The following TRPC7 variants were observed in gnomAD, a reference collection of about 807,000 sequenced individuals.
The protein encoded by TRPC7 is transient receptor potential cation channel subfamily C member 7.
Under a neutral mutation model 90.1 loss-of-function variants are expected in TRPC7, and 42 were observed. The ratio of observed to expected loss-of-function variants is 0.47; its 90% confidence interval spans 0.36 to 0.60. TRPC7 has a LOEUF of 0.60. Ranked by LOEUF, TRPC7 falls within the 20% of genes least tolerant of loss-of-function variation. The probability of loss-of-function intolerance (pLI) is 0.00; values close to 1 mark genes in which losing one functional copy is unlikely to be tolerated. For missense variants in TRPC7, 955 were observed against 1,112.3 expected (o/e 0.86, Z 2.01); for synonymous variants, 451 against 436.3 (o/e 1.03, Z -0.42).
chr5:136,214,308 ATCT>A (rs1391786101), intron 11 of TRPC7: 2 of 152,222 alleles, frequency 1.3e-5, no homozygotes, highest in South Asian at 2.1e-4. Context: ...GGCTGTGGGA[ATCT>A]TCTTATTAAC....
chr5:136,365,320 A>G lies in TRPC7; in HGVS notation c.-66T>C, dbSNP rs1760688758. 1 of 1,522,160 alleles carries G rather than the reference A, an allele frequency of 6.6e-7. No homozygotes were observed. The allele number at this position is 1,522,160 out of a possible 1,614,324, so 94.3% of individuals were successfully genotyped here. On this transcript the variant is annotated 5_prime_UTR_variant, in exon 1 of 12. Coordinates refer to ENST00000513104, the MANE Select transcript of TRPC7 (RefSeq NM_020389.3). Reference sequence around the variant, plus strand: ...CGGAATCCGGTGTTGAGTCGCCAGAAGCTGGCTCCCCATGGGTGGTAGCCA... The same window carrying G: ...CGGAATCCGGTGTTGAGTCGCCAGAGGCTGGCTCCCCATGGGTGGTAGCCA...
At chr5:136,243,430 T>C (rs1167789374) in intron 7 of TRPC7, among the ~76,000 whole-genome samples, 1 of 152,078 alleles carries the variant, frequency 6.6e-6, no homozygotes, top group Non-Finnish European at 1.5e-5. Flanking sequence ...TAGAAACAGA[T>C]GCTGAGTTCT....
At position 136,365,407 on chromosome 5, in the gene TRPC7, G is replaced by C; in HGVS notation, c.-153C>G. On this transcript the variant is annotated 5_prime_UTR_variant, in exon 1 of 12. In the 5' UTR this introduces an upstream ATG that the reference lacks. Transcript: ENST00000513104. The stretch of plus-strand genomic sequence containing the variant: ...CTGGTCAAGTGAGTTAAGTTGCAAC[G>C]ATGTGAAAGCGCGCTCCTCTGTTCT... 1.3e-6 allele frequency: 1 copy of C among 765,176 alleles called. No individual in the cohort carries two copies. Among genetic ancestry groups the C allele is most frequent in the Non-Finnish European group, 2.2e-6 (1 of 462,164 alleles). 47.4% of individuals were successfully genotyped at this position (765,176 alleles called of 1,614,324 possible).
chr5:136,338,444 G>A (rs1759736351), intron 2 of TRPC7, among the ~76,000 whole-genome samples: 1 of 152,210 alleles, frequency 6.6e-6, no homozygotes, highest in Non-Finnish European at 1.5e-5. Context: ...TAGGGAGTAT[G>A]AAAAAGTATA....
At chr5:136,353,008 C>T (rs1302264549) in intron 2 of TRPC7, among the ~76,000 whole-genome samples, 1 of 152,106 alleles carries the variant, frequency 6.6e-6, no homozygotes, top group Non-Finnish European at 1.5e-5. Context: ...TACTTTATTC[C>T]CTTCATCAAG....
Position 136,251,710 on chromosome 5 carries a change from G to T in TRPC7, c.1518C>A (p.His506Gln). The change falls in exon 6 of 12, where the codon CAC (histidine) becomes CAA (glutamine). Residue 506 changes from histidine (H) to glutamine (Q), a missense_variant. By Grantham distance (24) the His-to-Gln change is conservative. This residue lies in a region of TRPC7 where 484 missense variants were observed against 509.6 expected (regional missense o/e 0.95). Coordinates refer to ENST00000513104, the MANE Select transcript of TRPC7 (RefSeq NM_020389.3). ...CATTGTGCAGCGTGTCGTCCTGCAC[G>T]TGCTGGTCCACGTACAGCTGTGCCT... ...ATEAQLYVDQHVQDDTLHNVS... is the reference protein window; with the variant it reads ...ATEAQLYVDQQVQDDTLHNVS... The T allele has an allele frequency of 1.9e-6, 3 of 1,613,884 alleles. No homozygotes were observed. The highest frequency in any genetic ancestry group is 2.5e-6 in the Non-Finnish European group (3 of 1,179,820).
rs759878845 is a variant in TRPC7 at position 136,251,803 on chromosome 5, A to G, written c.1425T>C (p.Asp475=). 2 of 1,613,990 alleles carry G rather than the reference A, an allele frequency of 1.2e-6. No individual in the cohort carries two copies. Among genetic ancestry groups the G allele is most frequent in the South Asian group, 1.1e-5 (1 of 91,078 alleles). ...EYVLHLWNLL[D]FGMLSIFVAS... ...CCACGAAGATGGACAGCATCCCGAA[A>G]TCTAGCAGGTTCCACAAGTGCAGCA... The change falls in exon 6 of 12, where the codon GAT becomes GAC. Residue 475 remains aspartate, a synonymous_variant. Transcript: ENST00000513104.
intron 1 of TRPC7, 108 bp from the exon 2 acceptor site, chr5:136,357,493 G>A (rs1177735185): frequency 2.6e-6 from 3 of 1,141,192 alleles, no homozygotes; most frequent in Non-Finnish European, 3.6e-6. Context: ...GGAATCTTAT[G>A]AGGAATTGTG....
intron 3 of TRPC7, among the ~76,000 whole-genome samples, chr5:136,294,447 AAAAC>A (rs1348009168): frequency 1.3e-5 from 2 of 152,180 alleles, no homozygotes; most frequent in African/African-American, 2.4e-5. Context: ...TTACAAGAAA[AAAAC>A]AAACAACCCC....
chr5:136,232,050 G>T (rs906912088), intron 7 of TRPC7, among the ~76,000 whole-genome samples: 1 of 152,188 alleles, frequency 6.6e-6, no homozygotes, highest in African/African-American at 2.4e-5. Flanking sequence ...GACTTTGAAA[G>T]AATATTAAAA....
At chr5:136,275,405 CTT>C (rs1321741021) in intron 3 of TRPC7, among the ~76,000 whole-genome samples, 1 of 151,786 alleles carries the variant, frequency 6.6e-6, no homozygotes, top group Admixed American at 6.6e-5. Flanking sequence ...AATCCCCTCT[CTT>C]TACCTATGTA....
chr5:136,290,399 A>T (rs1378147228), intron 3 of TRPC7, among the ~76,000 whole-genome samples: 2 of 152,216 alleles, frequency 1.3e-5, no homozygotes, highest in Admixed American at 1.3e-4. Context: ...TTGAAAAAAA[A>T]TCAGACGAAT....
At chr5:136,269,834 G>A (rs973993055) in intron 4 of TRPC7, among the ~76,000 whole-genome samples, 1 of 152,068 alleles carries the variant, frequency 6.6e-6, no homozygotes, top group African/African-American at 2.4e-5. Flanking sequence ...TTTATGATGG[G>A]GTGGGATAGT....
intron 7 of TRPC7, among the ~76,000 whole-genome samples, chr5:136,243,267 G>A (rs146891359): frequency 1.3e-5 from 2 of 151,774 alleles, no homozygotes; most frequent in Non-Finnish European, 2.9e-5. Flanking sequence ...GCTGACTTTC[G>A]AAGTGGACTC....
intron 3 of TRPC7, among the ~76,000 whole-genome samples, chr5:136,308,570 T>A (rs908833546): frequency 3.3e-5 from 5 of 152,220 alleles, no homozygotes; most frequent in Non-Finnish European, 7.3e-5. Flanking sequence ...CCAGGTCCCC[T>A]TTGCTCACTG....
At chr5:136,226,322 G>T in intron 8 of TRPC7, 67 bp from the exon 9 acceptor site, 1 of 1,183,690 alleles carries the variant, frequency 8.4e-7, no homozygotes. Context: ...CCCAACCTGA[G>T]GAGCAGAGAC....
At chr5:136,234,456 C>T (rs1036616496) in intron 7 of TRPC7, among the ~76,000 whole-genome samples, 7 of 152,030 alleles carry the variant, frequency 4.6e-5, no homozygotes, top group South Asian at 2.1e-4. Context: ...ATTACAGGCG[C>T]GCGCCACTGT....
At chr5:136,214,601 A>C (rs1755201021) in intron 11 of TRPC7, among the ~76,000 whole-genome samples, 1 of 152,172 alleles carries the variant, frequency 6.6e-6, no homozygotes. Context: ...ATTCACATGA[A>C]TCAGTTACAT....
chr5:136,306,764 T>G (rs1314381710), intron 3 of TRPC7, among the ~76,000 whole-genome samples: 1 of 152,182 alleles, frequency 6.6e-6, no homozygotes, highest in African/African-American at 2.4e-5. Flanking sequence ...AGAGGGTGCT[T>G]TGTAATCTCC....
Sources: allele counts gnomAD v4.1 joint callset (sites outside exome capture counted in the v4.1 genomes callset), GRCh38; gene constraint gnomAD v4.1.1; regional missense constraint gnomAD v4.1.1; transcripts MANE v1.5; gene names NCBI Gene and HGNC (gene_info 2026-07-23, HGNC 2026-07-21).